Variants in NOTCH2NLB observed in about 807,000 individuals in gnomAD.
NOTCH2NLB encodes notch 2 N-terminal like B.
A neutral mutation model predicts 14.8 loss-of-function variants in NOTCH2NLB; 1 was observed. That is an observed-to-expected ratio of 0.07 (90% CI 0.02 to 0.32). NOTCH2NLB has a LOEUF of 0.32. Among genes scored for constraint, NOTCH2NLB ranks in the 10% least tolerant of loss-of-function variants. The probability of loss-of-function intolerance (pLI) is 1.00; values close to 1 mark genes in which losing one functional copy is unlikely to be tolerated. For synonymous variants in NOTCH2NLB, 6 were observed against 57.5 expected (o/e 0.10, Z 4.05); for missense variants, 11 against 155.0 (o/e 0.07, Z 4.93).
intron 3 of NOTCH2NLB, among the ~76,000 whole-genome samples, chr1:148,612,093 AGACTACCATCCGCG>A (rs1663713632): frequency 8.7e-6 from 1 of 114,302 alleles, no homozygotes; most frequent in African/African-American, 2.9e-5. Context: ...GGTTCTGCCA[AGACTACCATCCGCG>A]GACTCATGGA....
At chr1:148,673,565 T>C (rs1664791899) in intron 1 of NOTCH2NLB, among the ~76,000 whole-genome samples, 1 of 88,904 alleles carries the variant, frequency 1.1e-5, no homozygotes, top group African/African-American at 3.7e-5. Flanking sequence ...TCAGGTAACA[T>C]TCTAATGGAG....
At chr1:148,610,337 G>GAA (rs1253111274) in intron 3 of NOTCH2NLB, among the ~76,000 whole-genome samples, 3 of 87,648 alleles carry the variant, frequency 3.4e-5, no homozygotes, top group African/African-American at 1.5e-4. Flanking sequence ...AAGAAAGAAA[G>GAA]AAAGAAAGAA....
chr1:148,651,144 G>GGAAAAAAAAA (rs1225742292), intron 1 of NOTCH2NLB, among the ~76,000 whole-genome samples: 1 of 76,508 alleles, frequency 1.3e-5, no homozygotes, highest in Non-Finnish European at 2.4e-5. Context: ...CTCTGCCTGA[G>GGAAAAAAAAA]AAAAAAAAAA....
chr1:148,615,198 G>A (rs1201845375), intron 3 of NOTCH2NLB, among the ~76,000 whole-genome samples: 5 of 130,850 alleles, frequency 3.8e-5, no homozygotes, highest in East Asian at 4.5e-4. Context: ...GCAGTGGTGC[G>A]ATCATAGCTC....
intron 2 of NOTCH2NLB, among the ~76,000 whole-genome samples, chr1:148,639,123 A>G (rs1269665443): frequency 5.6e-5 from 8 of 142,958 alleles, no homozygotes; most frequent in Non-Finnish European, 9.2e-5. Flanking sequence ...TTGGAGAAAA[A>G]GGAAAAAAAA....
chr1:148,691,972 C>G, the NOTCH2NLB span, among the ~76,000 whole-genome samples: 3 of 48,620 alleles, frequency 6.2e-5, no homozygotes, highest in Non-Finnish European at 1.1e-4. Context: ...TCACCTACAG[C>G]CTGCAGAACT....
At chr1:148,645,966 CTA>C (rs1664363585) in intron 1 of NOTCH2NLB, among the ~76,000 whole-genome samples, 1 of 149,576 alleles carries the variant, frequency 6.7e-6, no homozygotes. Context: ...CCACCATTGA[CTA>C]TCTCTGTATC....
intron 1 of NOTCH2NLB, among the ~76,000 whole-genome samples, chr1:148,649,543 C>T (rs1262568061): frequency 2.2e-5 from 3 of 135,558 alleles, no homozygotes; most frequent in Non-Finnish European, 3.1e-5. Context: ...TGGAGTCTCG[C>T]TCTGTCACCC....
intron 1 of NOTCH2NLB, among the ~76,000 whole-genome samples, chr1:148,661,665 A>G (rs1664690230): frequency 6.7e-6 from 1 of 148,558 alleles, no homozygotes; most frequent in African/African-American, 2.4e-5. Context: ...AATTCTTCTT[A>G]GTGAAAGAGA....
At chr1:148,615,100 T>C in intron 3 of NOTCH2NLB, among the ~76,000 whole-genome samples, 1 of 137,708 alleles carries the variant, frequency 7.3e-6, no homozygotes, top group Admixed American at 7.2e-5. Flanking sequence ...ACTTATTTCT[T>C]TTAGTGAAGT....
At chr1:148,615,161 GTCTCAC>G (rs1412250072) in intron 3 of NOTCH2NLB, among the ~76,000 whole-genome samples, 1 of 141,960 alleles carries the variant, frequency 7.0e-6, no homozygotes, top group Admixed American at 7.0e-5. Flanking sequence ...TTGAGACAGG[GTCTCAC>G]TCTGTCACCC....
At chr1:148,674,836 G>A (rs1440199303) in intron 1 of NOTCH2NLB, among the ~76,000 whole-genome samples, 4 of 146,808 alleles carry the variant, frequency 2.7e-5, no homozygotes, top group Non-Finnish European at 6.0e-5. Context: ...TGTCAGTAGG[G>A]TGTTCAGGGG....
chr1:148,673,430 C>T (rs2149633723), intron 1 of NOTCH2NLB, among the ~76,000 whole-genome samples: 1 of 63,258 alleles, frequency 1.6e-5, no homozygotes, highest in African/African-American at 5.3e-5. Context: ...ACTGCCGACA[C>T]CAAATATGTG....
At chr1:148,651,158 A>ATATATATATATACATAT (rs1383778431) in intron 1 of NOTCH2NLB, among the ~76,000 whole-genome samples, 1 of 81,364 alleles carries the variant, frequency 1.2e-5, no homozygotes. Context: ...AAAAAAAAAA[A>ATATATATATATACATAT]AAAAATATAT....
At chr1:148,645,709 T>A (rs1664353407) in intron 1 of NOTCH2NLB, among the ~76,000 whole-genome samples, 1 of 150,144 alleles carries the variant, frequency 6.7e-6, no homozygotes, top group Admixed American at 6.6e-5. Context: ...CCAGTTCACC[T>A]CTTGCCTCAC....
chr1:148,654,792 A>C (rs1242125962), intron 1 of NOTCH2NLB, among the ~76,000 whole-genome samples: 2 of 92,238 alleles, frequency 2.2e-5, no homozygotes, highest in Non-Finnish European at 4.8e-5. Flanking sequence ...TATAATAAAT[A>C]ATATACTCTA....
At chr1:148,623,973 C>T (rs1663940090) in intron 2 of NOTCH2NLB, among the ~76,000 whole-genome samples, 1 of 90,796 alleles carries the variant, frequency 1.1e-5, no homozygotes, top group African/African-American at 8.4e-5. Context: ...TAGAATTATC[C>T]TTCATACCCC....
At chr1:148,651,152 A>ATAT (rs1664494896) in intron 1 of NOTCH2NLB, among the ~76,000 whole-genome samples, 1 of 78,230 alleles carries the variant, frequency 1.3e-5, no homozygotes, top group Admixed American at 1.3e-4. Flanking sequence ...GAGAAAAAAA[A>ATAT]AAAAAAAAAA....
downstream of NOTCH2NLB, among the ~76,000 whole-genome samples, chr1:148,606,683 TTTA>T (rs1351662602): frequency 2.6e-5 from 2 of 77,300 alleles, no homozygotes; most frequent in Non-Finnish European, 4.4e-5. Flanking sequence ...TGCTCCTCTT[TTTA>T]TTTCTATCTT....
Sources: allele counts gnomAD v4.1 joint callset (sites outside exome capture counted in the v4.1 genomes callset), GRCh38; gene constraint gnomAD v4.1.1; transcripts MANE v1.5; gene names NCBI Gene and HGNC (gene_info 2026-07-23, HGNC 2026-07-21).